GCFC2: variants seen among roughly 807,000 people sequenced by gnomAD.
GCFC2 encodes GC-rich sequence DNA-binding factor 2.
Under a neutral mutation model 99.4 loss-of-function variants are expected in GCFC2, and 102 were observed. That is an observed-to-expected ratio of 1.03 (90% CI 0.87 to 1.21). The LOEUF is 1.21. GCFC2 is among the 50% of genes most tolerant of loss of function. GCFC2 has a pLI of 0.00. For synonymous variants in GCFC2, 338 were observed against 316.8 expected, an observed-to-expected ratio of 1.07 and a Z score of -0.71; for missense variants, 973 against 920.9, an observed-to-expected ratio of 1.06 and a Z score of -0.73.
At chr2:75,692,988 T>C (rs1680154916) in intron 6 of GCFC2, among the ~76,000 whole-genome samples, 1 of 152,128 alleles carries the variant, frequency 6.6e-6, no homozygotes, top group Non-Finnish European at 1.5e-5. Context: ...ATGCACAGGC[T>C]GACAAAATTT....
intron 15 of GCFC2, among the ~76,000 whole-genome samples, chr2:75,667,685 A>G (rs544605775): frequency 6.6e-6 from 1 of 152,278 alleles, no homozygotes; most frequent in African/African-American, 2.4e-5. Context: ...TAAAATTCTC[A>G]TTTAACCATG....
rs183063433 is a variant in GCFC2 at position 75,705,791 on chromosome 2, C to G, written c.394+732G>C. On this transcript the variant is annotated intron_variant, in intron 2 of 16. Transcript: ENST00000321027. ...GCTTCACTAGACTGAAAAAGGAGTC[C>G]ACGGCACAAAACAAGTTATAAACCT... Among the ~76,000 whole-genome samples, 438 of 151,914 alleles carry G rather than the reference C, an allele frequency of 2.9e-3. 5 individuals carry two copies. Among genetic ancestry groups the G allele is most frequent in the African/African-American group, 9.6e-3 (397 of 41,414 alleles).
chr2:75,691,088 A>C (rs1680046925), intron 7 of GCFC2, among the ~76,000 whole-genome samples: 1 of 152,136 alleles, frequency 6.6e-6, no homozygotes. Context: ...AGTCCCCCCT[A>C]ATCTGCAGGG....
In GCFC2 at chr2:75,688,936, G is replaced by A. The variant is rs1238254775; in HGVS notation, c.1539+90C>T. The A allele has an allele frequency of 4.2e-6, 3 of 722,092 alleles. No homozygotes were observed. In the East Asian group the frequency reaches 8.4e-5, roughly 20 times the overall value. The allele number at this position is 722,092 out of a possible 1,614,324, so 44.7% of individuals were successfully genotyped here. ...CTCTAAATTTCAGCTCCGACTCTAAGGGTAAGGTATTTAATGCCTAACACA... is the reference window on the plus strand; with the variant it reads ...CTCTAAATTTCAGCTCCGACTCTAAAGGTAAGGTATTTAATGCCTAACACA... On this transcript the variant is annotated intron_variant, in intron 10 of 16. Coordinates refer to ENST00000321027, the MANE Select transcript of GCFC2 (RefSeq NM_003203.5).
intron 11 of GCFC2, among the ~76,000 whole-genome samples, chr2:75,685,651 T>C (rs1679779564): frequency 6.6e-6 from 1 of 152,152 alleles, no homozygotes; most frequent in Non-Finnish European, 1.5e-5. Context: ...TTTCGGTTTA[T>C]ATTCACTCGC....
chr2:75,693,829 T>A (rs1680191242), intron 6 of GCFC2, among the ~76,000 whole-genome samples: 1 of 152,104 alleles, frequency 6.6e-6, no homozygotes. Context: ...AAGAGTTTGC[T>A]TGAGATCAAA....
chr2:75,694,467 C>A, intron 5 of GCFC2, 40 bp from the exon 6 acceptor site: 1 of 776,616 alleles, frequency 1.3e-6, no homozygotes, highest in Non-Finnish European at 1.9e-6. Flanking sequence ...TTTTCATACT[C>A]TTTTAAAAGT....
chr2:75,685,021 A>G (rs1393960525), intron 11 of GCFC2, among the ~76,000 whole-genome samples: 1 of 152,130 alleles, frequency 6.6e-6, no homozygotes, highest in East Asian at 1.9e-4. Flanking sequence ...ATGAGAACAC[A>G]TGGACAGGGA....
intron 13 of GCFC2, 60 bp from the exon 14 acceptor site, chr2:75,672,076 C>T (rs927995757): frequency 9.1e-6 from 8 of 874,674 alleles, no homozygotes; most frequent in African/African-American, 1.7e-5. Context: ...CTTTCAGAAC[C>T]AGAGTTTAAG....
In GCFC2 at chr2:75,696,249, A is replaced by T. The variant is rs1177695892; in HGVS notation, c.784T>A (p.Ser262Thr). The change falls in exon 5 of 17, where the codon TCA becomes ACA. Residue 262 changes from serine (S) to threonine (T), a missense_variant. Physicochemically the swap from Ser to Thr is moderately conservative, Grantham distance 58. Coordinates refer to ENST00000321027, the MANE Select transcript of GCFC2 (RefSeq NM_003203.5). ...ATTTCTAAATTTACTGGCGGAAATG[A>T]AATGGAAGTATCAAATTTCTTCACT... ...SKVKKFDTSI[S>T]FPPVNLEIIK... 3 of 1,505,666 alleles carry T rather than the reference A, an allele frequency of 2.0e-6. No homozygotes were observed. Among genetic ancestry groups the T allele is most frequent in the Non-Finnish European group, 1.8e-6 (2 of 1,082,506 alleles). The allele number at this position is 1,505,666 out of a possible 1,614,324, so 93.3% of individuals were successfully genotyped here. A position where few individuals can be genotyped will look rare whatever the true frequency, so the allele number is the denominator to read the frequency against.
chr2:75,665,166 A>T (rs530230607), intron 16 of GCFC2, among the ~76,000 whole-genome samples: 10 of 149,636 alleles, frequency 6.7e-5, no homozygotes, highest in Admixed American at 2.6e-4. Context: ...TTTTTTTTTT[A>T]AAGGGACTTG....
chr2:75,690,535 T>C (rs1439944379), intron 8 of GCFC2, 103 bp downstream of exon 8: 1 of 707,206 alleles, frequency 1.4e-6, no homozygotes, highest in East Asian at 2.6e-5. Context: ...ATTAATAATG[T>C]ATATCAGGTA....
intron 1 of GCFC2, among the ~76,000 whole-genome samples, chr2:75,707,215 G>A (rs983612444): frequency 1.3e-5 from 2 of 152,122 alleles, no homozygotes; most frequent in South Asian, 2.1e-4. Context: ...GGCTGGTGGC[G>A]AGAAATATTG....
intron 1 of GCFC2, among the ~76,000 whole-genome samples, chr2:75,708,731 G>C (rs540864324): frequency 1.2e-4 from 18 of 151,780 alleles, no homozygotes; most frequent in Non-Finnish European, 2.4e-4. Context: ...GGCTGGGCTC[G>C]AACTCCTGAT....
intron 11 of GCFC2, among the ~76,000 whole-genome samples, chr2:75,683,175 A>T (rs1461994054): frequency 1.3e-5 from 2 of 151,838 alleles, no homozygotes; most frequent in Admixed American, 6.6e-5. Context: ...AAGGAAAAAA[A>T]GTTAAGGGCA....
chr2:75,690,439 C>T (rs1336742056), intron 8 of GCFC2, 199 bp downstream of exon 8: 3 of 541,164 alleles, frequency 5.5e-6, no homozygotes, highest in African/African-American at 3.9e-5. Context: ...TTACCCATTC[C>T]TTTTAACTGA....
Position 75,673,520 on chromosome 2 carries a change from C to A in GCFC2, c.1813G>T (p.Asp605Tyr), listed in dbSNP as rs369609416. 5 of 1,185,318 alleles carry A rather than the reference C, an allele frequency of 4.2e-6. No individual in the cohort carries two copies. Among genetic ancestry groups the A allele is most frequent in the Non-Finnish European group, 6.3e-6 (5 of 792,820 alleles). 73.4% of individuals were successfully genotyped at this position (1,185,318 alleles called of 1,614,324 possible). ...CENEVSKSRQ[D>Y]LLKSIVSRMK... ...CTTGAAACAATGGATTTAAGTAAAT[C>A]CTATTATTACAAATTTGAAAAGCAT... The change falls in exon 13 of 17, where the codon GAT (aspartate) becomes TAT (tyrosine). Residue 605 changes from aspartate to tyrosine, a missense_variant and splice_region_variant. Transcript: ENST00000321027.
Position 75,688,875 on chromosome 2 carries a change from G to C in GCFC2, c.1539+151C>G, listed in dbSNP as rs1679929773. The C allele has an allele frequency of 1.8e-6, 1 of 542,060 alleles. No individual in the cohort carries two copies. 33.6% of individuals were successfully genotyped at this position (542,060 alleles called of 1,614,324 possible). A position where few individuals can be genotyped will look rare whatever the true frequency, so the allele number is the denominator to read the frequency against. ...TGACAGCCAAGAAAAGAAGAATGTA[G>C]CCGAAAGCACACATTTTCTGACTAT... On this transcript the variant is annotated intron_variant, in intron 10 of 16. Coordinates refer to ENST00000321027, the MANE Select transcript of GCFC2 (RefSeq NM_003203.5).
intron 12 of GCFC2, among the ~76,000 whole-genome samples, chr2:75,679,315 C>G (rs1679471332): frequency 6.6e-6 from 1 of 152,110 alleles, no homozygotes; most frequent in Admixed American, 6.5e-5. Flanking sequence ...TTTCAACCAC[C>G]TCTGTCATTC....
Sources: allele counts gnomAD v4.1 joint callset (sites outside exome capture counted in the v4.1 genomes callset), GRCh38; gene constraint gnomAD v4.1.1; transcripts MANE v1.5; gene names NCBI Gene and HGNC (gene_info 2026-07-23, HGNC 2026-07-21).